Variants in CIT observed in about 807,000 individuals in gnomAD.
CIT encodes citron rho-interacting serine/threonine kinase.
Under a neutral mutation model 272.7 loss-of-function variants are expected in CIT, and 79 were observed. The ratio of observed to expected loss-of-function variants is 0.29; its 90% CI spans 0.24 to 0.35. The LOEUF is 0.35. Ranked by LOEUF, CIT falls within the 10% of genes least tolerant of loss-of-function variation. The pLI, the probability that CIT is intolerant of heterozygous loss-of-function variation, is 1.00. For synonymous variants in CIT, 948 were observed against 995.6 expected (o/e 0.95, Z 0.90); for missense variants, 1,909 against 2,618.3 (o/e 0.73, Z 5.91).
chr12:119,849,228 G>T (rs1970036288), intron 5 of CIT, among the ~76,000 whole-genome samples: 1 of 152,096 alleles, frequency 6.6e-6, no homozygotes, highest in Non-Finnish European at 1.5e-5. Context: ...GGAGTTTGCG[G>T]CCAGCCCGGC....
At chr12:119,735,445 C>T (rs1045967646) in intron 24 of CIT, 88 bp from the exon 25 acceptor site, 6 of 1,322,474 alleles carry the variant, frequency 4.5e-6, no homozygotes, top group East Asian at 2.3e-5. Context: ...TCTGAACCCA[C>T]GTGACACTGG....
At position 119,824,803 on chromosome 12, in the gene CIT, G is replaced by C. The variant is rs539065706; in HGVS notation, c.957+362C>G. On this transcript the variant is annotated intron_variant, in intron 8 of 47. Coordinates refer to ENST00000392521, the MANE Select transcript of CIT (RefSeq NM_001206999.2). ...ATTTTTTGGTTTTTTGTTTTGTTTTGTTTTGTTTTTTAGACGGAGTCTCAC... is the reference window on the plus strand; with the variant it reads ...ATTTTTTGGTTTTTTGTTTTGTTTTCTTTTGTTTTTTAGACGGAGTCTCAC... Among the ~76,000 whole-genome samples, 57 of 152,064 alleles carry C rather than the reference G, an allele frequency of 3.7e-4. 2 individuals carry two copies. In the South Asian group the frequency reaches 8.3e-3, roughly 22 times the overall value.
rs750630445 is a variant in CIT, at chr12:119,698,071, C to T, written c.5624-17G>A. The T allele has an allele frequency of 4.1e-5, 66 of 1,610,964 alleles. No individual in the cohort carries two copies. In the Admixed American group the frequency reaches 8.8e-4, roughly 22 times the overall value. On this transcript the variant is annotated splice_polypyrimidine_tract_variant and intron_variant, in intron 44 of 47. Transcript: ENST00000392521. The stretch of plus-strand genomic sequence containing the variant: ...CTCTGTAGGCTGTGTGATCACCATG[C>T]AGGCACAGTGTGGGCCAAAGAATGG...
Position 119,804,097 on chromosome 12 carries a change from C to G in CIT, c.1112-708G>C, listed in dbSNP as rs1204074823. The G allele has an allele frequency of 2.2e-6, 2 of 893,324 alleles. No individual in the cohort carries two copies. Among genetic ancestry groups the G allele is most frequent in the Non-Finnish European group, 1.3e-6 (1 of 746,044 alleles). The allele number at this position is 893,324 out of a possible 1,614,324, so 55.3% of individuals were successfully genotyped here. On this transcript the variant is annotated intron_variant, in intron 9 of 47. Coordinates refer to ENST00000392521, the MANE Select transcript of CIT (RefSeq NM_001206999.2). The surrounding 1 kb of genome is among the most constrained non-coding windows in gnomAD (Gnocchi z 5.3). ...AGCACCAGCCAAATAAAGTTCCTAC[C>G]GGTGATCTACAGCACCCCTGCGCGC...
chr12:119,700,710 G>T, intron 44 of CIT, 35 bp downstream of exon 44: 8 of 1,501,326 alleles, frequency 5.3e-6, no homozygotes, highest in Non-Finnish European at 7.3e-6. Context: ...CCAGCTGCTG[G>T]CAAAAGAGAA....
At position 119,690,405 on chromosome 12, in the gene CIT, G is replaced by T; in HGVS notation, c.5932C>A (p.Arg1978Ser). Reference sequence around the variant, plus strand: ...GGCGGCGCTGGGCTGGAGGCCACGCGCTTGGTGATGTGCTCGTTGTACGTG... The same window carrying T: ...GGCGGCGCTGGGCTGGAGGCCACGCTCTTGGTGATGTGCTCGTTGTACGTG... ...PPTYNEHITK[R>S]VASSPAPPEG... Residue 1978 changes from arginine (R) to serine (S), a missense_variant, in exon 47 of 48, where the codon CGC becomes AGC. Physicochemically the swap from Arg to Ser is moderately radical, Grantham distance 110. Around this residue, in one of 8 missense-constraint regions of CIT, gnomAD observed 780 missense variants for 1,067.2 expected, o/e 0.73. Transcript: ENST00000392521. The surrounding 1 kb of genome is among the most constrained non-coding windows in gnomAD (Gnocchi z 6.0). The T allele has an allele frequency of 6.3e-7, 1 of 1,596,196 alleles. No individual in the cohort carries two copies. The highest frequency in any genetic ancestry group is 8.5e-7 in the Non-Finnish European group (1 of 1,177,264).
chr12:119,837,106 C>G (rs926063017), intron 5 of CIT, among the ~76,000 whole-genome samples: 2 of 152,162 alleles, frequency 1.3e-5, no homozygotes, highest in Non-Finnish European at 2.9e-5. Context: ...CTAAATAGAC[C>G]GGGTCCTTAT....
chr12:119,827,924 G>T (rs1186163539), intron 7 of CIT, among the ~76,000 whole-genome samples: 1 of 152,026 alleles, frequency 6.6e-6, no homozygotes, highest in Non-Finnish European at 1.5e-5. Flanking sequence ...CATTTTTATT[G>T]CCACAGACTG....
chr12:119,757,505 T>G lies in CIT; in HGVS notation c.2572A>C (p.Lys858Gln). The G allele has an allele frequency of 6.2e-7, 1 of 1,614,196 alleles. No individual in the cohort carries two copies. Among genetic ancestry groups the G allele is most frequent in the South Asian group, 1.1e-5 (1 of 91,072 alleles). Residue 858 changes from lysine (K) to glutamine (Q), a missense_variant, in exon 22 of 48, where the codon AAA becomes CAA. Transcript: ENST00000392521. Reference protein sequence around the residue: ...EEMISELRQQKFYLETQAGKL... With the variant: ...EEMISELRQQQFYLETQAGKL... The stretch of plus-strand genomic sequence containing the variant: ...CCAGCCTGTGTCTCCAGGTAAAATT[T>G]CTGTTGCCTGAGTTCAGAAATCATC...
chr12:119,858,840 G>A (rs1950247694), intron 3 of CIT, among the ~76,000 whole-genome samples: 1 of 151,748 alleles, frequency 6.6e-6, no homozygotes, highest in African/African-American at 2.4e-5. Context: ...AAAACAGCGT[G>A]GTGGGCAGAA....
intron 10 of CIT, among the ~76,000 whole-genome samples, chr12:119,787,078 C>A (rs1048643418): frequency 6.6e-6 from 1 of 152,102 alleles, no homozygotes; most frequent in Non-Finnish European, 1.5e-5. Context: ...GATTCTCTTA[C>A]CTCAGCCTCC....
At chr12:119,814,250 C>T (rs1172925317) in intron 9 of CIT, among the ~76,000 whole-genome samples, 1 of 152,140 alleles carries the variant, frequency 6.6e-6, no homozygotes, top group African/African-American at 2.4e-5. Context: ...ATCCTATAAT[C>T]CTAATTCATA....
Position 119,713,181 on chromosome 12 carries a change from T to C in CIT, c.4579+22A>G, listed in dbSNP as rs1409030642. 1.9e-6 allele frequency: 3 copies of C among 1,593,714 alleles called. No homozygotes were observed. The highest frequency in any genetic ancestry group is 1.1e-5 in the South Asian group (1 of 90,332). ...CTGGGTTAGCCACGTGCAATGACCT[T>C]CCCCCTGAATTATTAATTTACCTTC... On this transcript the variant is annotated intron_variant, in intron 35 of 47. Transcript: ENST00000392521. The surrounding 1 kb of genome is among the most constrained non-coding windows in gnomAD (Gnocchi z 5.2).
At chr12:119,863,200 T>TC (rs1396525088) in intron 3 of CIT, among the ~76,000 whole-genome samples, 5 of 46,626 alleles carry the variant, frequency 1.1e-4, no homozygotes, top group African/African-American at 6.8e-4. Flanking sequence ...AGACTCTGTA[T>TC]CAAAAAAAAA....
chr12:119,712,098 T>A lies in CIT; in HGVS notation c.4854+80A>T. 1 of 1,379,046 alleles carries A rather than the reference T, an allele frequency of 7.3e-7. No homozygotes were observed. Among genetic ancestry groups the A allele is most frequent in the Non-Finnish European group, 9.9e-7 (1 of 1,008,032 alleles). 85.4% of individuals were successfully genotyped at this position (1,379,046 alleles called of 1,614,324 possible). ...GCCTGAGGGGAATCAAAATGGCCAA[T>A]GGGATTCTCGTCGTTAACACCAGTT... On this transcript the variant is annotated intron_variant, in intron 37 of 47. Coordinates refer to ENST00000392521, the MANE Select transcript of CIT (RefSeq NM_001206999.2). This position sits in a 1 kb window ranked among gnomAD's most constrained non-coding sequence, Gnocchi z 5.2.
At chr12:119,834,045 G>A in intron 6 of CIT, 41 bp downstream of exon 6, 3 of 1,568,814 alleles carry the variant, frequency 1.9e-6, no homozygotes, top group South Asian at 2.4e-5. Flanking sequence ...TGCGACACAG[G>A]AAAATCCTCA....
chr12:119,825,778 T>C (rs1255784327), intron 7 of CIT, among the ~76,000 whole-genome samples: 1 of 152,174 alleles, frequency 6.6e-6, no homozygotes, highest in Non-Finnish European at 1.5e-5. Context: ...ACTAGAAAAC[T>C]GGCAGTTGGC....
At chr12:119,762,328 A>G (rs368397871) in intron 19 of CIT, among the ~76,000 whole-genome samples, 6 of 152,238 alleles carry the variant, frequency 3.9e-5, no homozygotes, top group Non-Finnish European at 8.8e-5. Flanking sequence ...CAAAAGGATG[A>G]GAAATGGCCC....
At chr12:119,715,677 C>T (rs944488652) in intron 32 of CIT, among the ~76,000 whole-genome samples, 3 of 152,066 alleles carry the variant, frequency 2.0e-5, no homozygotes, top group South Asian at 2.1e-4. Flanking sequence ...TTTTAATGAG[C>T]GAACTGTACG....
Sources: gnomAD v4.1 joint callset for allele counts (sites outside exome capture counted in the v4.1 genomes callset) on GRCh38, gnomAD v4.1.1 for gene constraint, gnomAD v4.1.1 regional missense constraint, Gnocchi (gnomAD v3.1) non-coding constraint, MANE v1.5 for transcripts, NCBI Gene and HGNC (gene_info 2026-07-23, HGNC 2026-07-21) for gene names.